SPRYD3: variants seen among roughly 807,000 people sequenced by gnomAD.
SPRYD3 encodes the protein SPRY domain containing 3.
In SPRYD3, 17 loss-of-function variants were observed where a neutral mutation model predicts 50.1. The ratio of observed to expected loss-of-function variants is 0.34; its 90% confidence interval spans 0.23 to 0.51. The LOEUF (loss-of-function observed/expected upper bound fraction) is 0.51. SPRYD3 is among the 20% of genes least tolerant of loss of function. The pLI, the probability that SPRYD3 is intolerant of heterozygous loss-of-function variation, is 0.97. For synonymous variants in SPRYD3, 198 were observed against 215.5 expected (o/e 0.92, Z 0.71); for missense variants, 401 against 591.2 (o/e 0.68, Z 3.34).
chr12:53,071,070 C>T (rs1229905543), intron 6 of SPRYD3, among the ~76,000 whole-genome samples: 1 of 152,162 alleles, frequency 6.6e-6, no homozygotes, highest in Admixed American at 6.5e-5. Context: ...TGCCGGTATC[C>T]GCCCTCCTCC....
chr12:53,066,342 T>C lies in SPRYD3; in HGVS notation c.1166A>G (p.Glu389Gly). The C allele has an allele frequency of 6.2e-7, 1 of 1,614,074 alleles. No individual in the cohort carries two copies. Among genetic ancestry groups the C allele is most frequent in the South Asian group, 1.1e-5 (1 of 91,074 alleles). ...EEEEEDGEEI[E>G]PEHEGRKVVV... Reference sequence around the variant, plus strand: ...CACCTTCCTGCCCTCATGCTCCGGCTCTATCTCTTCCCCATCCTCTTCCTC... The same window carrying C: ...CACCTTCCTGCCCTCATGCTCCGGCCCTATCTCTTCCCCATCCTCTTCCTC... Residue 389 changes from glutamate (E) to glycine (G), a missense_variant, in exon 10 of 11, where the codon GAG becomes GGG. Coordinates refer to ENST00000301463, the MANE Select transcript of SPRYD3 (RefSeq NM_032840.3).
intron 6 of SPRYD3, among the ~76,000 whole-genome samples, chr12:53,069,214 G>A (rs2364154): frequency 0.21 from 31,884 of 151,788 alleles, 3,828 homozygotes; most frequent in African/African-American, 0.33. Context: ...CCCCACCTTC[G>A]GCCTCACCTG....
rs748058068 is a variant in SPRYD3 at position 53,065,791 on chromosome 12, G to A, written c.*41C>T. On this transcript the variant is annotated 3_prime_UTR_variant, in exon 11 of 11. Coordinates refer to ENST00000301463, the MANE Select transcript of SPRYD3 (RefSeq NM_032840.3). ...CAGGAACTGGGTGCCTGGCCCAGCA[G>A]AGGGTGAGCAGGGAGAAGGAGCAGG... The A allele has an allele frequency of 1.3e-5, 20 of 1,589,936 alleles. No homozygotes were observed. In the Admixed American group the frequency reaches 3.4e-4, roughly 27 times the overall value.
In SPRYD3 at chr12:53,077,218, G is replaced by A. The variant is rs962483379; in HGVS notation, c.67C>T (p.Arg23Trp). 3.1e-6 allele frequency: 5 copies of A among 1,614,156 alleles called. No homozygotes were observed. The highest frequency in any genetic ancestry group is 2.7e-5 in the African/African-American group (2 of 75,032). The stretch of plus-strand genomic sequence containing the variant: ...ATCCGCCGGCGCCAATTCAGAAACC[G>A]GTAGTGCAGGTTGAGGTCATCCATC... ...NKMDDLNLHY[R>W]FLNWRRRIRE... Residue 23 changes from arginine (R) to tryptophan (W), a missense_variant, in exon 2 of 11, where the codon CGG (arginine) becomes TGG (tryptophan). Coordinates refer to ENST00000301463, the MANE Select transcript of SPRYD3 (RefSeq NM_032840.3).
intron 2 of SPRYD3, among the ~76,000 whole-genome samples, chr12:53,076,018 C>T (rs543665988): frequency 4.6e-5 from 7 of 152,206 alleles, no homozygotes; most frequent in Non-Finnish European, 8.8e-5. Context: ...GAATCCAACC[C>T]GTACCAGACC....
chr12:53,068,218 G>A lies in SPRYD3; in HGVS notation c.780C>T (p.Tyr260=), dbSNP rs1386884296. Residue 260 remains tyrosine, a synonymous_variant, in exon 7 of 11, where the codon TAC becomes TAT. Transcript: ENST00000301463. ...CAGGGTCCACGATCTCCACCTCGAA[G>A]TAGTGGCTGCGGGTGCTGAGTGGGT... ...ARHPLSTRSH[Y]FEVEIVDPGE... 1.1e-5 allele frequency: 17 copies of A among 1,614,128 alleles called. 1 individual carries two copies. Among genetic ancestry groups the A allele is most frequent in the Non-Finnish European group, 1.4e-5 (16 of 1,180,056 alleles).
intron 6 of SPRYD3, among the ~76,000 whole-genome samples, chr12:53,071,045 C>G (rs1254410299): frequency 6.6e-6 from 1 of 152,182 alleles, no homozygotes; most frequent in Non-Finnish European, 1.5e-5. Context: ...AGCACCTTCC[C>G]AGCCTCTTCT....
At chr12:53,075,626 A>T in intron 3 of SPRYD3, 110 bp downstream of exon 3, 2 of 860,682 alleles carry the variant, frequency 2.3e-6, no homozygotes, top group South Asian at 1.5e-5. Context: ...GACAGCCCTG[A>T]TGGAAAATTA....
At position 53,065,700 on chromosome 12, in the gene SPRYD3, G is replaced by A. The variant is rs908718066; in HGVS notation, c.*132C>T. The stretch of plus-strand genomic sequence containing the variant: ...ACAGAGAAGCGTGACAGGGGCCTGA[G>A]CCAGTGGGGGCAGAGTGACTACACA... On this transcript the variant is annotated 3_prime_UTR_variant, in exon 11 of 11. Transcript: ENST00000301463. 3.2e-6 allele frequency: 3 copies of A among 928,570 alleles called. No individual in the cohort carries two copies. Among genetic ancestry groups the A allele is most frequent in the Middle Eastern group, 3.6e-4 (1 of 2,802 alleles). The allele number at this position is 928,570 out of a possible 1,614,324, so 57.5% of individuals were successfully genotyped here. A position where few individuals can be genotyped will look rare whatever the true frequency, so the allele number is the denominator to read the frequency against.
rs1308217588 is a variant in SPRYD3, at chr12:53,066,365, C to T, written c.1143G>A (p.Glu381=). Residue 381 remains glutamate (E), a synonymous_variant, in exon 10 of 11, where the codon GAG becomes GAA. Coordinates refer to ENST00000301463, the MANE Select transcript of SPRYD3 (RefSeq NM_032840.3). Reference sequence around the variant, plus strand: ...GCTCTATCTCTTCCCCATCCTCTTCCTCTTCCTCTTCCTCCTCTTCCTCTT... The same window carrying T: ...GCTCTATCTCTTCCCCATCCTCTTCTTCTTCCTCTTCCTCCTCTTCCTCTT... ...EGEEEEEEEE[E]EEDGEEIEPE... is the part of the protein sequence containing the mutation. 2 of 1,613,866 alleles carry T rather than the reference C, an allele frequency of 1.2e-6. No individual in the cohort carries two copies. The highest frequency in any genetic ancestry group is 1.3e-5 in the African/African-American group (1 of 75,000).
Position 53,074,879 on chromosome 12 carries a change from C to T in SPRYD3, c.372-95G>A, listed in dbSNP as rs1944577425. ...GAGGCCTCATCCTCATCTTGCTGCT[C>T]CTGGTCATTCTGTGATGGTACCCAC... is the stretch of plus-strand genomic sequence containing the variant. On this transcript the variant is annotated intron_variant, in intron 4 of 10. Transcript: ENST00000301463. The surrounding 1 kb of genome is among the most constrained non-coding windows in gnomAD (Gnocchi z 4.6). The T allele has an allele frequency of 6.7e-7, 1 of 1,502,608 alleles. No individual in the cohort carries two copies. The highest frequency in any genetic ancestry group is 9.2e-7 in the Non-Finnish European group (1 of 1,091,020). 93.1% of individuals were successfully genotyped at this position (1,502,608 alleles called of 1,614,324 possible).
intron 8 of SPRYD3, among the ~76,000 whole-genome samples, chr12:53,066,984 T>TGC (rs1944514232): frequency 6.6e-6 from 1 of 151,770 alleles, no homozygotes; most frequent in African/African-American, 2.4e-5. Context: ...GTGGCGCCCG[T>TGC]CTGTAGTCCC....
intron 5 of SPRYD3, among the ~76,000 whole-genome samples, chr12:53,073,768 C>T (rs1469971410): frequency 2.0e-5 from 3 of 150,388 alleles, no homozygotes; most frequent in Admixed American, 6.6e-5. Flanking sequence ...GGCGTGAACC[C>T]GGGAGGCGGA....
chr12:53,067,509 C>G (rs952651349), intron 8 of SPRYD3, 139 bp downstream of exon 8: 28 of 739,140 alleles, frequency 3.8e-5, no homozygotes, highest in Non-Finnish European at 5.0e-5. Context: ...GAAGCACTAG[C>G]GATTTGGGAA....
At chr12:53,066,982 C>G (rs1944514167) in intron 8 of SPRYD3, among the ~76,000 whole-genome samples, 2 of 151,940 alleles carry the variant, frequency 1.3e-5, no homozygotes, top group African/African-American at 2.4e-5. Context: ...TGGTGGCGCC[C>G]GTCTGTAGTC....
Position 53,074,811 on chromosome 12 carries a change from G to T in SPRYD3, c.372-27C>A. ...TACAGACAGAGTAGTACAGACACAGGACCCGAGCCTGGCCTCCCAACTTCT... is the reference window on the plus strand; with the variant it reads ...TACAGACAGAGTAGTACAGACACAGTACCCGAGCCTGGCCTCCCAACTTCT... On this transcript the variant is annotated intron_variant, in intron 4 of 10. Transcript: ENST00000301463. This position sits in a 1 kb window ranked among gnomAD's most constrained non-coding sequence, Gnocchi z 4.6. 1.2e-6 allele frequency: 2 copies of T among 1,611,888 alleles called. No homozygotes were observed. Among genetic ancestry groups the T allele is most frequent in the Non-Finnish European group, 1.7e-6 (2 of 1,178,252 alleles).
At chr12:53,066,013 C>T (rs1432731340) in intron 10 of SPRYD3, 47 bp from the exon 11 acceptor site, 3 of 1,590,014 alleles carry the variant, frequency 1.9e-6, no homozygotes, top group Non-Finnish European at 2.6e-6. Flanking sequence ...GCTGTGGCCT[C>T]TTCCCTGAGG....
chr12:53,066,743 C>A (rs1483129798), intron 8 of SPRYD3, 51 bp from the exon 9 acceptor site: 1 of 1,562,968 alleles, frequency 6.4e-7, no homozygotes, highest in Non-Finnish European at 8.7e-7. Context: ...GGGCTGACAC[C>A]ACACCCCCAG....
chr12:53,073,571 G>T, intron 5 of SPRYD3, 100 bp from the exon 6 acceptor site: 2 of 1,001,220 alleles, frequency 2.0e-6, no homozygotes, highest in Non-Finnish European at 1.4e-6. Context: ...CCAGCCGGGC[G>T]TGGTGGCTCA....
Sources: gnomAD v4.1 joint callset for allele counts (sites outside exome capture counted in the v4.1 genomes callset) on GRCh38, gnomAD v4.1.1 for gene constraint, Gnocchi (gnomAD v3.1) non-coding constraint, MANE v1.5 for transcripts, NCBI Gene and HGNC (gene_info 2026-07-23, HGNC 2026-07-21) for gene names.